The following LLGL2 variants were observed in gnomAD, a reference collection of about 807,000 sequenced individuals.
LLGL2 encodes LLGL2, scribble cell polarity complex component.
Under a neutral mutation model 123.2 loss-of-function variants are expected in LLGL2, and 81 were observed. The observed-to-expected ratio is 0.66, with a 90% CI of 0.55 to 0.79. The LOEUF (loss-of-function observed/expected upper bound fraction) is 0.79. Among genes scored for constraint, LLGL2 ranks in the 30% least tolerant of loss-of-function variants. The pLI is 0.00. For synonymous variants in LLGL2, 577 were observed against 594.1 expected (o/e 0.97, Z 0.42); for missense variants, 1,273 against 1,414.6 (o/e 0.90, Z 1.61).
At chr17:75,525,682 C>T (rs867542261), upstream of LLGL2, 1 of 150,416 alleles carries the variant, frequency 6.6e-6, no homozygotes, top group Admixed American at 6.6e-5. The surrounding 1 kb of genome is among the most constrained non-coding windows in gnomAD (Gnocchi z 4.8). Flanking sequence ...AGCGCGGCTC[C>T]GCCCCAGGCT....
At chr17:75,546,642 AGG>A (rs1469523364) in intron 2 of LLGL2, among the ~76,000 whole-genome samples, 2 of 31,272 alleles carry the variant, frequency 6.4e-5, no homozygotes, top group Non-Finnish European at 9.8e-5. Flanking sequence ...AGACAGGCGG[AGG>A]GCAGGTCCAG....
At chr17:75,546,356 G>C (rs912514637) in intron 2 of LLGL2, 6 of 153,262 alleles carry the variant, frequency 3.9e-5, no homozygotes, top group African/African-American at 1.2e-4. Flanking sequence ...CTCGCCAGCT[G>C]TGTGACCTTG....
In LLGL2 at chr17:75,544,117, C is replaced by G. The variant is rs1181894299; in HGVS notation, c.75+616C>G. 1.3e-5 allele frequency among the ~76,000 whole-genome samples: 2 copies of G among 152,318 alleles called. No homozygotes were observed. Among genetic ancestry groups the G allele is most frequent in the East Asian group, 3.9e-4 (2 of 5,184 alleles). On this transcript the variant is annotated intron_variant, in intron 2 of 25. Transcript: ENST00000392550. This position sits in a 1 kb window ranked among gnomAD's most constrained non-coding sequence, Gnocchi z 4.2. ...CCAGAAGGCCCACGGGGCTTCCCTT[C>G]AGGAGTCTGGGGCCTGAGAAGGTCA...
In LLGL2 at chr17:75,568,511, G is replaced by A. The variant is rs2147517128; in HGVS notation, c.1072G>A (p.Glu358Lys). The change falls in exon 11 of 26, where the codon GAG (glutamate) becomes AAG (lysine). Residue 358 changes from glutamate (E) to lysine (K), a missense_variant. Glu to Lys is a moderately conservative substitution (Grantham distance 56). Coordinates refer to ENST00000392550, the MANE Select transcript of LLGL2 (RefSeq NM_001031803.2). Reference protein sequence around the residue: ...DDPYALVVLAEEELVVIDLQT... With the variant: ...DDPYALVVLAKEELVVIDLQT... ...CCCCTATGCCCTGGTGGTGCTGGCTGAGGAGGAGCTGGTGGTGATTGACCT... is the reference window on the plus strand; with the variant it reads ...CCCCTATGCCCTGGTGGTGCTGGCTAAGGAGGAGCTGGTGGTGATTGACCT... 6.2e-7 allele frequency: 1 copy of A among 1,613,474 alleles called. No homozygotes were observed. The highest frequency in any genetic ancestry group is 8.5e-7 in the Non-Finnish European group (1 of 1,180,006).
rs1354693517 is a variant in LLGL2 at position 75,543,396 on chromosome 17, G to A, written c.-30-1G>A. ...CCCTGCAGCTCCTTCTGTTTCTCCAGGTCTCCAGTGGGGGCTGCAGACTAA... is the reference window on the plus strand; with the variant it reads ...CCCTGCAGCTCCTTCTGTTTCTCCAAGTCTCCAGTGGGGGCTGCAGACTAA... On this transcript the variant is annotated splice_acceptor_variant, in intron 1 of 25. Coordinates refer to ENST00000392550, the MANE Select transcript of LLGL2 (RefSeq NM_001031803.2). LOFTEE classifies it low-confidence loss of function (5UTR_SPLICE). 1 of 1,589,054 alleles carries A rather than the reference G, an allele frequency of 6.3e-7. No homozygotes were observed. The highest frequency in any genetic ancestry group is 1.4e-5 in the African/African-American group (1 of 74,020).
chr17:75,566,999 C>T (rs2147498469), intron 10 of LLGL2, among the ~76,000 whole-genome samples: 1 of 152,248 alleles, frequency 6.6e-6, no homozygotes, highest in African/African-American at 2.4e-5. Flanking sequence ...AACCAGGGGC[C>T]CTGATGAGGC....
chr17:75,533,961 T>G (rs2053908168), intron 1 of LLGL2, among the ~76,000 whole-genome samples: 1 of 152,168 alleles, frequency 6.6e-6, no homozygotes, highest in Non-Finnish European at 1.5e-5. Flanking sequence ...GCCAGCACAA[T>G]CCCCACCTCC....
chr17:75,569,023 C>T lies in LLGL2; in HGVS notation c.1368C>T (p.Cys456=). 6.2e-7 allele frequency: 1 copy of T among 1,612,996 alleles called. No individual in the cohort carries two copies. Among genetic ancestry groups the T allele is most frequent in the Non-Finnish European group, 8.5e-7 (1 of 1,179,720 alleles). The change falls in exon 13 of 26, where the codon TGC becomes TGT. Residue 456 remains cysteine (C), a synonymous_variant. Transcript: ENST00000392550. ...TVRFWDASGV[C]LRLLYKLSTV... is the part of the protein sequence containing the mutation. ...GGTTCTGGGATGCCTCGGGTGTCTGCCTGCGGCTGCTCTACAAACTCAGCA... is the reference window on the plus strand; with the variant it reads ...GGTTCTGGGATGCCTCGGGTGTCTGTCTGCGGCTGCTCTACAAACTCAGCA...
rs2053587058 is a variant in LLGL2 at position 75,526,706 on chromosome 17, G to C, written c.-31+881G>C. 2.0e-5 allele frequency among the ~76,000 whole-genome samples: 3 copies of C among 152,242 alleles called. No homozygotes were observed. The South Asian group carries it at 6.2e-4, about 32-fold the overall frequency. On this transcript the variant is annotated intron_variant, in intron 1 of 25. Coordinates refer to ENST00000392550, the MANE Select transcript of LLGL2 (RefSeq NM_001031803.2). ...CTCCAGGGACCCCCTGCTGGAGTTTGTAGTTCAAGAGAACCTTGAGTTCTC... is the reference window on the plus strand; with the variant it reads ...CTCCAGGGACCCCCTGCTGGAGTTTCTAGTTCAAGAGAACCTTGAGTTCTC...
intron 10 of LLGL2, among the ~76,000 whole-genome samples, chr17:75,565,668 G>T (rs1430339371): frequency 6.6e-6 from 1 of 152,192 alleles, no homozygotes; most frequent in East Asian, 1.9e-4. Context: ...ATTCGAGACT[G>T]CTGGGGCTTT....
intron 17 of LLGL2, chr17:75,571,350 A>C (rs2055699593): frequency 5.2e-6 from 3 of 578,916 alleles, no homozygotes; most frequent in Non-Finnish European, 9.2e-6. Context: ...CCCATCACTT[A>C]GCCTTTCAGG....
chr17:75,570,920 C>A, intron 16 of LLGL2, 30 bp from the exon 17 acceptor site: 1 of 1,581,698 alleles, frequency 6.3e-7, no homozygotes. Context: ...GAGTCCAGAG[C>A]TGACCCTTAG....
chr17:75,562,936 G>A, intron 6 of LLGL2, 80 bp from the exon 7 acceptor site: 3 of 1,528,256 alleles, frequency 2.0e-6, no homozygotes, highest in Admixed American at 1.7e-5. Context: ...TCTGCATAGG[G>A]AGCCCCATGG....
rs1490072825 is a variant in LLGL2 at position 75,574,591 on chromosome 17, CCT to C, written c.2997-18_2997-17del. 2.7e-5 allele frequency: 44 copies of C among 1,611,486 alleles called. No individual in the cohort carries two copies. The highest frequency in any genetic ancestry group is 3.6e-5 in the Non-Finnish European group (42 of 1,179,386). Reference sequence around the variant, plus strand: ...TGGAGGTCCCTGAGGCCATGACTCCCCTGTCTTTGCCTGTGCAGGAGCGGCAA... The same window carrying C: ...TGGAGGTCCCTGAGGCCATGACTCCCGTCTTTGCCTGTGCAGGAGCGGCAA... On this transcript the variant is annotated splice_polypyrimidine_tract_variant and intron_variant, in intron 24 of 25. Coordinates refer to ENST00000392550, the MANE Select transcript of LLGL2 (RefSeq NM_001031803.2).
chr17:75,553,407 G>T (rs2054765876), intron 2 of LLGL2, among the ~76,000 whole-genome samples: 1 of 152,232 alleles, frequency 6.6e-6, no homozygotes, highest in Non-Finnish European at 1.5e-5. Context: ...CCCCAGCATG[G>T]GATTCCTTGT....
rs144008601 is a variant in LLGL2, at chr17:75,568,675, C to T, written c.1236C>T (p.Asn412=). 133 of 1,613,760 alleles carry T rather than the reference C, an allele frequency of 8.2e-5. 4 individuals are homozygous for T. Among genetic ancestry groups the T allele is most frequent in the African/African-American group, 7.6e-4 (57 of 75,012 alleles). The change falls in exon 11 of 26, where the codon AAC becomes AAT. Residue 412 remains asparagine, a synonymous_variant. Coordinates refer to ENST00000392550, the MANE Select transcript of LLGL2 (RefSeq NM_001031803.2). ...TCATTGCCGCCGGCAGCCGGCAGAACGCACACTTCTCCACCATGGTAGGTC... is the reference window on the plus strand; with the variant it reads ...TCATTGCCGCCGGCAGCCGGCAGAATGCACACTTCTCCACCATGGTAGGTC... ...ERIIAAGSRQ[N]AHFSTMEWPI... is the part of the protein sequence containing the mutation.
At chr17:75,561,649 G>C (rs574749194) in intron 6 of LLGL2, among the ~76,000 whole-genome samples, 1 of 151,892 alleles carries the variant, frequency 6.6e-6, no homozygotes, top group Non-Finnish European at 1.5e-5. Flanking sequence ...GGCCGGGCGC[G>C]GTGGCTCACG....
intron 6 of LLGL2, among the ~76,000 whole-genome samples, chr17:75,560,755 G>A (rs904948238): frequency 5.5e-5 from 8 of 145,800 alleles, no homozygotes; most frequent in Admixed American, 1.4e-4. Flanking sequence ...CAGAGTGCTG[G>A]GATTACAGGC....
At chr17:75,540,620 T>C (rs1380623376) in intron 1 of LLGL2, among the ~76,000 whole-genome samples, 1 of 152,206 alleles carries the variant, frequency 6.6e-6, no homozygotes, top group African/African-American at 2.4e-5. Flanking sequence ...TGCCTCTTAA[T>C]TGCAAGGGTG....
Sources: allele counts gnomAD v4.1 joint callset (sites outside exome capture counted in the v4.1 genomes callset), GRCh38; gene constraint gnomAD v4.1.1; non-coding constraint Gnocchi (gnomAD v3.1); transcripts MANE v1.5; gene names NCBI Gene and HGNC (gene_info 2026-07-23, HGNC 2026-07-21).